The following PCSK6 variants were observed in gnomAD, a reference collection of about 807,000 sequenced individuals.
PCSK6 encodes the protein proprotein convertase subtilisin/kexin type 6.
PCSK6 carries 85 observed loss-of-function variants against 123.3 expected under a neutral mutation model. The observed-to-expected ratio is 0.69, with a 90% CI of 0.58 to 0.83. The LOEUF (loss-of-function observed/expected upper bound fraction) is 0.83, where lower values mean the gene tolerates loss of function less well. Among genes scored for constraint, PCSK6 ranks in the 40% least tolerant of loss-of-function variants. PCSK6 has a pLI of 0.00. For synonymous variants in PCSK6, 508 were observed against 516.0 expected, an observed-to-expected ratio of 0.98 and a Z score of 0.21; for missense variants, 1,191 against 1,282.3, an observed-to-expected ratio of 0.93 and a Z score of 1.09.
In PCSK6 at chr15:101,382,140, G is replaced by A. The variant is rs562611428; in HGVS notation, c.1484C>T (p.Ala495Val). 8 of 1,612,662 alleles carry A rather than the reference G, an allele frequency of 5.0e-6. No homozygotes were observed. In the African/African-American group the frequency reaches 1.1e-4, roughly 21 times the overall value. The change falls in exon 11 of 22, where the codon GCA (alanine) becomes GTA (valine). Residue 495 changes from alanine to valine, a missense_variant. By Grantham distance (64) the Ala-to-Val change is moderately conservative. Coordinates refer to ENST00000611716, the MANE Select transcript of PCSK6 (RefSeq NM_002570.5). ...CACACACATGTGCTGCGATGGCACT[G>A]CTGTCCACTTCTTTGCCTCCACAAC... The part of the protein sequence containing the change: ...ALVVEAKKWT[A>V]VPSQHMCVAA...
At chr15:101,366,418 G>A in intron 12 of PCSK6, 86 bp from the exon 13 acceptor site, 1 of 1,423,534 alleles carries the variant, frequency 7.0e-7, no homozygotes, top group East Asian at 2.4e-5. Context: ...GGCTCTCGGG[G>A]GACTGTATGA....
chr15:101,449,857 C>T (rs2056987679), intron 1 of PCSK6, among the ~76,000 whole-genome samples: 1 of 152,160 alleles, frequency 6.6e-6, no homozygotes, highest in African/African-American at 2.4e-5. Context: ...AGCATCATCT[C>T]CTCTGGGGAG....
rs369496162 is a variant in PCSK6 at position 101,325,005 on chromosome 15, G to A, written c.2222C>T (p.Thr741Ile). 9 of 1,612,082 alleles carry A rather than the reference G, an allele frequency of 5.6e-6. No homozygotes were observed. In the African/African-American group the frequency reaches 8.0e-5, roughly 14 times the overall value. ...GCACCGGCGACAGCGTCTTGCTGCT[G>A]TGTCCCCAAAGTAGCCCAAGGGGCA... ...SVCPLGYFGD[T>I]AARRCRRCHK... The change falls in exon 17 of 22, where the codon ACA (threonine) becomes ATA (isoleucine). Residue 741 changes from threonine (T) to isoleucine (I), a missense_variant. By Grantham distance (89) the Thr-to-Ile change is moderately conservative. Coordinates refer to ENST00000611716, the MANE Select transcript of PCSK6 (RefSeq NM_002570.5).
chr15:101,396,007 G>A (rs574552797), intron 7 of PCSK6, among the ~76,000 whole-genome samples: 107 of 152,268 alleles, frequency 7.0e-4, no homozygotes, highest in African/African-American at 2.4e-3. Flanking sequence ...GACTGTAGGC[G>A]ACAAATAGGG....
chr15:101,440,927 C>T (rs755933018), intron 2 of PCSK6, among the ~76,000 whole-genome samples: 1 of 152,174 alleles, frequency 6.6e-6, no homozygotes, highest in African/African-American at 2.4e-5. Flanking sequence ...ATTTCAGTTG[C>T]GATTCTGAAT....
intron 11 of PCSK6, among the ~76,000 whole-genome samples, chr15:101,371,373 G>T (rs756538006): frequency 2.4e-4 from 37 of 152,072 alleles, no homozygotes; most frequent in Non-Finnish European, 5.0e-4. Context: ...ACACTAAAAG[G>T]CCAGACCTCA....
intron 6 of PCSK6, among the ~76,000 whole-genome samples, chr15:101,404,875 T>C (rs4965382): frequency 0.36 from 55,262 of 151,954 alleles, 10,347 homozygotes; most frequent in East Asian, 0.58. Flanking sequence ...TCTAGGATTC[T>C]CTCTACAAGT....
In PCSK6 at chr15:101,315,209, A is replaced by G. The variant is rs537253548; in HGVS notation, c.2570-1704T>C. 3.3e-5 allele frequency among the ~76,000 whole-genome samples: 5 copies of G among 152,356 alleles called. No homozygotes were observed. The South Asian group carries it at 1.0e-3, about 32-fold the overall frequency. ...TTGGAGGTGGTGGCGATGGTGGCAC[A>G]CAAATGTAAATTCACTTAATGCCAC... On this transcript the variant is annotated intron_variant, in intron 19 of 21. Transcript: ENST00000611716.
intron 18 of PCSK6, 137 bp from the exon 19 acceptor site, chr15:101,318,559 G>T: frequency 1.4e-6 from 1 of 731,050 alleles, no homozygotes; most frequent in South Asian, 1.8e-5. Context: ...CTCAGCTAAG[G>T]AAAGTCGGGA....
intron 16 of PCSK6, among the ~76,000 whole-genome samples, chr15:101,326,001 A>G (rs1018415746): frequency 3.3e-5 from 5 of 152,198 alleles, no homozygotes; most frequent in African/African-American, 4.8e-5. Flanking sequence ...CCTGTCCAAG[A>G]GCCATGTCCC....
At chr15:101,329,104 G>A (rs1316039686) in intron 15 of PCSK6, among the ~76,000 whole-genome samples, 1 of 152,172 alleles carries the variant, frequency 6.6e-6, no homozygotes, top group African/African-American at 2.4e-5. Context: ...TTCATACAAG[G>A]GGGGCTCCGT....
At chr15:101,306,182 C>T (rs867605052) in intron 21 of PCSK6, among the ~76,000 whole-genome samples, 13 of 151,892 alleles carry the variant, frequency 8.6e-5, no homozygotes, top group South Asian at 6.2e-4. Context: ...CTGAGGACAC[C>T]GCTGCAGCAA....
Position 101,332,014 on chromosome 15 carries a change from T to C in PCSK6, c.1876A>G (p.Ser626Gly). Residue 626 changes from serine (S) to glycine (G), a missense_variant, in exon 14 of 22, where the codon AGC (serine) becomes GGC (glycine). Physicochemically the swap from Ser to Gly is moderately conservative, Grantham distance 56. This residue lies in a region of PCSK6 where 630 missense variants were observed against 631.4 expected (regional missense o/e 1.00). Transcript: ENST00000611716. ...TCTGCTGTGCCATACAGTATGAGGC[T>C]CCATTCTTTCAACTTCCCTGGAAGG... is the stretch of plus-strand genomic sequence containing the variant. ...PEKQGKLKEW[S>G]LILYGTAEHP... The C allele has an allele frequency of 1.3e-6, 2 of 1,595,250 alleles. No individual in the cohort carries two copies. The highest frequency in any genetic ancestry group is 8.6e-7 in the Non-Finnish European group (1 of 1,167,430).
At chr15:101,385,327 C>CT (rs571629776) in intron 9 of PCSK6, among the ~76,000 whole-genome samples, 14 of 152,064 alleles carry the variant, frequency 9.2e-5, no homozygotes, top group African/African-American at 2.2e-4. Flanking sequence ...CCACCTTTTT[C>CT]TTTTTTTTAA....
intron 13 of PCSK6, among the ~76,000 whole-genome samples, chr15:101,358,210 G>A (rs1260687144): frequency 2.0e-5 from 3 of 152,150 alleles, no homozygotes; most frequent in Admixed American, 6.5e-5. Context: ...GGTCATATGT[G>A]GGCAATGCCT....
At chr15:101,437,164 C>T (rs1284741488) in intron 2 of PCSK6, among the ~76,000 whole-genome samples, 1 of 152,248 alleles carries the variant, frequency 6.6e-6, no homozygotes, top group Non-Finnish European at 1.5e-5. Context: ...CTGAACCAAG[C>T]TAGACAGAGG....
intron 19 of PCSK6, among the ~76,000 whole-genome samples, chr15:101,317,718 T>C (rs1428251507): frequency 1.3e-5 from 2 of 152,192 alleles, no homozygotes; most frequent in South Asian, 2.1e-4. Flanking sequence ...GCATCTCTTA[T>C]CCCTTTCCCC....
At chr15:101,488,439 G>T (rs372414729) in intron 1 of PCSK6, among the ~76,000 whole-genome samples, 3 of 152,180 alleles carry the variant, frequency 2.0e-5, no homozygotes, top group African/African-American at 4.8e-5. Context: ...TGCCGCCTTT[G>T]TGCCCAGGGC....
intron 6 of PCSK6, among the ~76,000 whole-genome samples, chr15:101,423,450 C>A (rs1032657865): frequency 6.6e-6 from 1 of 151,784 alleles, no homozygotes; most frequent in Non-Finnish European, 1.5e-5. Flanking sequence ...TTAGTAGAGA[C>A]GGGGTTTTAG....
Sources: gnomAD v4.1 joint callset for allele counts (sites outside exome capture counted in the v4.1 genomes callset) on GRCh38, gnomAD v4.1.1 for gene constraint, gnomAD v4.1.1 regional missense constraint, MANE v1.5 for transcripts, NCBI Gene and HGNC (gene_info 2026-07-23, HGNC 2026-07-21) for gene names.